The following NDUFA3 variants were observed in gnomAD, a reference collection of about 807,000 sequenced individuals.
The protein encoded by NDUFA3 is NADH dehydrogenase [ubiquinone] 1 alpha subcomplex subunit 3.
NDUFA3 carries 10 observed loss-of-function variants against 11.4 expected under a neutral mutation model. The ratio of observed to expected loss-of-function variants is 0.87; its 90% CI spans 0.54 to 1.48. The LOEUF (loss-of-function observed/expected upper bound fraction) is 1.48. NDUFA3 is among the 40% of genes most tolerant of loss of function. NDUFA3 has a pLI of 0.00. For synonymous variants in NDUFA3, 39 were observed against 46.9 expected (o/e 0.83, Z 0.68); for missense variants, 115 against 110.5 (o/e 1.04, Z -0.18).
At chr19:54,105,119 C>T (rs996328681) in intron 2 of NDUFA3, among the ~76,000 whole-genome samples, 14 of 152,112 alleles carry the variant, frequency 9.2e-5, no homozygotes, top group African/African-American at 3.4e-4. Flanking sequence ...ATATACCTGG[C>T]TCTTACCATC....
chr19:54,105,249 C>T (rs1182350654), intron 2 of NDUFA3, among the ~76,000 whole-genome samples: 1 of 116,754 alleles, frequency 8.6e-6, no homozygotes, highest in Non-Finnish European at 1.8e-5. Flanking sequence ...ACCCTTTCTC[C>T]TCCAGTTTGT....
Position 54,107,015 on chromosome 19 carries a change from CG to C in NDUFA3, c.*117del. The stretch of plus-strand genomic sequence containing the variant: ...GAGGTGGGAACAAGTAGACGGTGGC[CG>C]GGGTGAGTGTGGGGTCAGTTTATTG... On this transcript the variant is annotated 3_prime_UTR_variant, in exon 4 of 4. Coordinates refer to ENST00000485876, the MANE Select transcript of NDUFA3 (RefSeq NM_004542.4). 6.2e-7 allele frequency: 1 copy of C among 1,607,740 alleles called. No homozygotes were observed. Among genetic ancestry groups the C allele is most frequent in the Non-Finnish European group, 8.5e-7 (1 of 1,176,310 alleles).
intron 2 of NDUFA3, among the ~76,000 whole-genome samples, chr19:54,105,263 G>GTTTTTTTTTT (rs1201834834): frequency 5.1e-5 from 2 of 38,998 alleles, no homozygotes; most frequent in African/African-American, 2.1e-4. Flanking sequence ...AGTTTGTAAG[G>GTTTTTTTTTT]CTTTTTTTTT....
chr19:54,103,329 C>G (rs2073148738), intron 2 of NDUFA3, 141 bp downstream of exon 2: 7 of 840,362 alleles, frequency 8.3e-6, no homozygotes, highest in Non-Finnish European at 1.3e-5. Flanking sequence ...CCTTATCTAT[C>G]CCCATACCCA....
In NDUFA3 at chr19:54,103,128, C is replaced by G; in HGVS notation, c.25C>G (p.Leu9Val). Residue 9 changes from leucine to valine, a missense_variant, in exon 2 of 4, where the codon CTC (leucine) becomes GTC (valine). By Grantham distance (32) the Leu-to-Val change is conservative (BLOSUM62 1). Coordinates refer to ENST00000485876, the MANE Select transcript of NDUFA3 (RefSeq NM_004542.4). The part of the protein sequence containing the change: MAARVGAF[L>V]KNAWDKEPVL... ...CACCCCTTCAGGAGTCGGCGCCTTCCTCAAGAATGCCTGGGACAAGGAGCC... is the reference window on the plus strand; with the variant it reads ...CACCCCTTCAGGAGTCGGCGCCTTCGTCAAGAATGCCTGGGACAAGGAGCC... 6.2e-7 allele frequency: 1 copy of G among 1,612,148 alleles called. No homozygotes were observed.
rs771436824 is a variant in NDUFA3, at chr19:54,106,843, G to A, written c.196G>A (p.Val66Met). ...PVRDDGNMPD[V>M]PSHPQDPQGP... is the part of the protein sequence containing the mutation. ...CCGTGATGATGGGAACATGCCCGACGTGCCCAGCCACCCCCAGGACCCTCA... is the reference window on the plus strand; with the variant it reads ...CCGTGATGATGGGAACATGCCCGACATGCCCAGCCACCCCCAGGACCCTCA... The change falls in exon 4 of 4, where the codon GTG becomes ATG. Residue 66 changes from valine (V) to methionine (M), a missense_variant. Physicochemically the swap from Val to Met is conservative, Grantham distance 21 (BLOSUM62 1). Transcript: ENST00000485876. The A allele has an allele frequency of 2.5e-5, 40 of 1,613,552 alleles. No homozygotes were observed. Among genetic ancestry groups the A allele is most frequent in the Middle Eastern group, 1.7e-4 (1 of 6,060 alleles).
At chr19:54,105,663 T>C (rs1388177077) in intron 2 of NDUFA3, 1 of 677,258 alleles carries the variant, frequency 1.5e-6, no homozygotes, top group South Asian at 1.5e-5. Flanking sequence ...GCTCATTCCA[T>C]GACCAACCCC....
At chr19:54,106,512 C>CT (rs1276881386) in intron 3 of NDUFA3, 1 of 438,338 alleles carries the variant, frequency 2.3e-6, no homozygotes, top group African/African-American at 2.0e-5. Flanking sequence ...CTGTCTCTCT[C>CT]TGGGTTCCCA....
rs369775503 is a variant in NDUFA3 at position 54,105,992 on chromosome 19, C to T, written c.144C>T (p.Ala48=). 2.1e-4 allele frequency: 337 copies of T among 1,613,644 alleles called. 2 individuals carry two copies. The East Asian group carries it at 3.2e-3, about 15-fold the overall frequency. ...AGTACTCCGTCATGATCAACAAGGC[C>T]ACGCCCTACAACTACCCAGGTGAGT... ...YFKYSVMINK[A]TPYNYPVPVR... Residue 48 remains alanine (A), a synonymous_variant, in exon 3 of 4, where the codon GCC becomes GCT. Transcript: ENST00000485876.
At position 54,103,356 on chromosome 19, in the gene NDUFA3, A is replaced by G. The variant is rs587740095; in HGVS notation, c.85+168A>G. ...CCATACCCATTATAACCTCTCCACCATCGCCCCCCGCGTTCCTCTCCACCT... is the reference window on the plus strand; with the variant it reads ...CCATACCCATTATAACCTCTCCACCGTCGCCCCCCGCGTTCCTCTCCACCT... On this transcript the variant is annotated intron_variant, in intron 2 of 3. Transcript: ENST00000485876. Among the ~76,000 whole-genome samples the G allele has an allele frequency of 3.3e-5, 5 of 151,240 alleles. No individual in the cohort carries two copies. In the South Asian group the frequency reaches 1.0e-3, roughly 32 times the overall value.
intron 2 of NDUFA3, among the ~76,000 whole-genome samples, chr19:54,103,894 C>T (rs971167418): frequency 1.3e-5 from 2 of 150,290 alleles, no homozygotes; most frequent in South Asian, 4.2e-4. Context: ...AGTGCAGTGG[C>T]GCGATCTCGG....
rs775517523 is a variant in NDUFA3 at position 54,106,934 on chromosome 19, C to T, written c.*32C>T. 1.1e-5 allele frequency: 18 copies of T among 1,602,104 alleles called. No individual in the cohort carries two copies. The highest frequency in any genetic ancestry group is 3.5e-5 in the Admixed American group (2 of 57,726). The stretch of plus-strand genomic sequence containing the variant: ...CCACTGACAGAGGCGGCCCCTCCCA[C>T]GGCTCCCAATAAAAATGTGAAAACC... On this transcript the variant is annotated 3_prime_UTR_variant, in exon 4 of 4. Transcript: ENST00000485876.
chr19:54,106,361 G>T, intron 3 of NDUFA3: 1 of 379,910 alleles, frequency 2.6e-6, no homozygotes. Flanking sequence ...AGTAGAGGCG[G>T]GGTTTCACCG....
intron 2 of NDUFA3, among the ~76,000 whole-genome samples, chr19:54,104,751 G>GT (rs1600280411): frequency 6.7e-6 from 1 of 149,380 alleles, no homozygotes. Context: ...GTTTGTTTTT[G>GT]TTTTTTTGAG....
chr19:54,103,331 C>G (rs2073148891), intron 2 of NDUFA3, 143 bp downstream of exon 2: 2 of 833,578 alleles, frequency 2.4e-6, no homozygotes, highest in South Asian at 1.8e-5. Flanking sequence ...TTATCTATCC[C>G]CATACCCATT....
At chr19:54,103,016 T>C in intron 1 of NDUFA3, 98 bp from the exon 2 acceptor site, 5 of 1,534,710 alleles carry the variant, frequency 3.3e-6, no homozygotes, top group Non-Finnish European at 4.4e-6. Flanking sequence ...AACGCAGAAG[T>C]CACGAGGGGG....
intron 2 of NDUFA3, 132 bp from the exon 3 acceptor site, chr19:54,105,802 C>G: frequency 1.3e-6 from 1 of 767,572 alleles, no homozygotes; most frequent in Non-Finnish European, 2.3e-6. Flanking sequence ...ACCAAGGATC[C>G]TCCTGGACGT....
In NDUFA3 at chr19:54,107,339, C is replaced by A; in HGVS notation, c.*437C>A. The A allele has an allele frequency of 1.2e-6, 1 of 864,452 alleles. No individual in the cohort carries two copies. The highest frequency in any genetic ancestry group is 1.7e-5 in the African/African-American group (1 of 58,988). The allele number at this position is 864,452 out of a possible 1,614,324, so 53.5% of individuals were successfully genotyped here. A position where few individuals can be genotyped will look rare whatever the true frequency, so the allele number is the denominator to read the frequency against. On this transcript the variant is annotated 3_prime_UTR_variant, in exon 4 of 4. Coordinates refer to ENST00000485876, the MANE Select transcript of NDUFA3 (RefSeq NM_004542.4). ...TCATAGTTCACTGCAGCCTCTGCCTCCCAGGCTCAAGTGATCCTCCCACCT... is the reference window on the plus strand; with the variant it reads ...TCATAGTTCACTGCAGCCTCTGCCTACCAGGCTCAAGTGATCCTCCCACCT...
In NDUFA3 at chr19:54,106,718, CCTT is replaced by C. The variant is rs1456822788; in HGVS notation, c.164-91_164-89del. The C allele has an allele frequency of 3.6e-6, 4 of 1,105,622 alleles. No individual in the cohort carries two copies. In the African/African-American group the frequency reaches 6.4e-5, roughly 18 times the overall value. 68.5% of individuals were successfully genotyped at this position (1,105,622 alleles called of 1,614,324 possible). A position where few individuals can be genotyped will look rare whatever the true frequency, so the allele number is the denominator to read the frequency against. On this transcript the variant is annotated intron_variant, in intron 3 of 3. Transcript: ENST00000485876. ...CTTCCCCTCTCACCCCTGGGGTCCC[CCTT>C]CCCTCTCTGAACATAAAGCGACAGA...
Sources: gnomAD v4.1 joint callset for allele counts (sites outside exome capture counted in the v4.1 genomes callset) on GRCh38, gnomAD v4.1.1 for gene constraint, MANE v1.5 for transcripts, NCBI Gene and HGNC (gene_info 2026-07-23, HGNC 2026-07-21) for gene names.